The following CSMD3 variants were observed in gnomAD, a reference collection of about 807,000 sequenced individuals.
CSMD3 encodes the protein CUB and sushi domain-containing protein 3.
Under a neutral mutation model 435.2 loss-of-function variants are expected in CSMD3, and 177 were observed. The observed-to-expected ratio is 0.41, with a 90% confidence interval of 0.36 to 0.46. The LOEUF (loss-of-function observed/expected upper bound fraction) is 0.46, where lower values mean the gene tolerates loss of function less well. Among genes scored for constraint, CSMD3 ranks in the 20% least tolerant of loss-of-function variants. The pLI is 0.34. For synonymous variants in CSMD3, 1,656 were observed against 1,520.5 expected (o/e 1.09, Z -2.07); for missense variants, 4,265 against 4,504.6 (o/e 0.95, Z 1.52).
At chr8:112,427,966 G>C (rs1813255298) in intron 32 of CSMD3, among the ~76,000 whole-genome samples, 1 of 152,242 alleles carries the variant, frequency 6.6e-6, no homozygotes, top group South Asian at 2.1e-4. Flanking sequence ...ATATGATCAT[G>C]TCACTTCCCT....
At chr8:113,276,586 C>A (rs1432343234) in intron 3 of CSMD3, among the ~76,000 whole-genome samples, 2 of 152,030 alleles carry the variant, frequency 1.3e-5, no homozygotes, top group Non-Finnish European at 2.9e-5. Context: ...AGTAGATTTT[C>A]CCCAAAACCT....
chr8:112,349,919 CTG>C (rs1045125104), intron 40 of CSMD3, among the ~76,000 whole-genome samples: 1 of 152,042 alleles, frequency 6.6e-6, no homozygotes, highest in African/African-American at 2.4e-5. Flanking sequence ...CCTAATGTGA[CTG>C]TATTTGGAGA....
intron 1 of CSMD3, among the ~76,000 whole-genome samples, chr8:113,380,205 AG>A (rs750270553): frequency 6.6e-6 from 1 of 152,176 alleles, no homozygotes; most frequent in Non-Finnish European, 1.5e-5. Context: ...TATTTCCATT[AG>A]AGTTGTAATT....
At chr8:112,921,866 A>G (rs2082754671) in intron 9 of CSMD3, 115 bp from the exon 10 acceptor site, 2 of 786,888 alleles carry the variant, frequency 2.5e-6, no homozygotes, top group Admixed American at 2.1e-5. Context: ...GACAAAAAGT[A>G]TTTTGGAAAA....
chr8:113,169,108 A>G (rs926332360), intron 4 of CSMD3, among the ~76,000 whole-genome samples: 3 of 152,160 alleles, frequency 2.0e-5, no homozygotes, highest in Non-Finnish European at 4.4e-5. Flanking sequence ...ATTTTGATCC[A>G]GAAAATTGTT....
At position 113,166,125 on chromosome 8, in the gene CSMD3, A is replaced by C. The variant is rs117106778; in HGVS notation, c.709+7597T>G. Among the ~76,000 whole-genome samples the C allele has an allele frequency of 3.7e-4, 56 of 152,270 alleles. No homozygotes were observed. The East Asian group carries it at 8.7e-3, about 24-fold the overall frequency. ...ACTCCCATATTCAAATACAAAACTCAATAGATTGAGTTTCATGAGGCCTGT... is the reference window on the plus strand; with the variant it reads ...ACTCCCATATTCAAATACAAAACTCCATAGATTGAGTTTCATGAGGCCTGT... On this transcript the variant is annotated intron_variant, in intron 4 of 70. Transcript: ENST00000297405.
At chr8:112,410,652 G>GTATATATATGTA (rs1563913330) in intron 32 of CSMD3, among the ~76,000 whole-genome samples, 414 of 36,588 alleles carry the variant, frequency 0.011, 38 homozygotes, top group Middle Eastern at 0.04. Context: ...ATATATATGT[G>GTATATATATGTA]TATATATATG....
At chr8:112,752,812 A>G (rs113295656) in intron 13 of CSMD3, among the ~76,000 whole-genome samples, 7 of 152,126 alleles carry the variant, frequency 4.6e-5, no homozygotes, top group African/African-American at 1.7e-4. Flanking sequence ...CTCCAAAAGG[A>G]CTGAAAATGA....
chr8:112,573,693 C>T (rs2131302738), intron 23 of CSMD3, 36 bp from the exon 24 acceptor site: 8 of 1,447,954 alleles, frequency 5.5e-6, no homozygotes, highest in Non-Finnish European at 7.7e-6. Context: ...TGTAAATGTG[C>T]CAATAATAAT....
chr8:113,320,705 T>C (rs1203948644), intron 1 of CSMD3, among the ~76,000 whole-genome samples: 2 of 152,148 alleles, frequency 1.3e-5, no homozygotes, highest in Non-Finnish European at 2.9e-5. Flanking sequence ...TCTTTTCTTA[T>C]TGTTTCCATG....
At position 112,336,728 on chromosome 8, in the gene CSMD3, C is replaced by G. The variant is rs957094168; in HGVS notation, c.6943G>C (p.Val2315Leu). ...ATGTAGATGCCATTCCCAGGGGGTA[C>G]TCTTACAAGCCAAAAACAATCTTGA... The part of the protein sequence containing the change: ...NFQDCFWLVR[V>L]PPGNGIYINF... Residue 2315 changes from valine (V) to leucine (L), a missense_variant, in exon 44 of 71, where the codon GTA becomes CTA. Transcript: ENST00000297405. 2 of 1,612,998 alleles carry G rather than the reference C, an allele frequency of 1.2e-6. No homozygotes were observed. The highest frequency in any genetic ancestry group is 1.7e-6 in the Non-Finnish European group (2 of 1,179,238).
chr8:112,646,314 A>C (rs1279321486), intron 19 of CSMD3, among the ~76,000 whole-genome samples: 1 of 152,140 alleles, frequency 6.6e-6, no homozygotes, highest in Non-Finnish European at 1.5e-5. Flanking sequence ...AGAGATGCAA[A>C]CTTTCAGAAA....
At chr8:113,022,809 A>G (rs1489500919) in intron 5 of CSMD3, among the ~76,000 whole-genome samples, 2 of 151,902 alleles carry the variant, frequency 1.3e-5, no homozygotes, top group Non-Finnish European at 2.9e-5. Flanking sequence ...AATGACATCA[A>G]ATTTCATTGC....
intron 13 of CSMD3, among the ~76,000 whole-genome samples, chr8:112,724,500 C>G (rs2076924818): frequency 1.3e-5 from 2 of 151,916 alleles, no homozygotes; most frequent in South Asian, 4.1e-4. Flanking sequence ...TCTGTCTGAG[C>G]AAGGGGAATG....
At chr8:113,274,008 CAT>C (rs1430352397) in intron 3 of CSMD3, among the ~76,000 whole-genome samples, 3 of 151,850 alleles carry the variant, frequency 2.0e-5, no homozygotes, top group Non-Finnish European at 4.4e-5. Context: ...CAAAAGAAAT[CAT>C]AGAAAATGTA....
chr8:112,233,293 G>A (rs538588844), intron 68 of CSMD3, among the ~76,000 whole-genome samples: 1 of 152,222 alleles, frequency 6.6e-6, no homozygotes, highest in East Asian at 1.9e-4. Flanking sequence ...AACCACCCAT[G>A]CAAGTCTGAC....
At chr8:112,916,339 T>G (rs1379294091) in intron 10 of CSMD3, among the ~76,000 whole-genome samples, 1 of 151,836 alleles carries the variant, frequency 6.6e-6, no homozygotes. Flanking sequence ...TATAAATGCA[T>G]CACTATTAAT....
intron 5 of CSMD3, 57 bp downstream of exon 5, chr8:113,098,699 G>T: frequency 8.6e-7 from 1 of 1,160,418 alleles, no homozygotes; most frequent in Non-Finnish European, 1.3e-6. Flanking sequence ...GTTGTTCTTT[G>T]TTCCTTAGTT....
At chr8:113,261,334 A>T (rs2093425738) in intron 3 of CSMD3, among the ~76,000 whole-genome samples, 1 of 152,156 alleles carries the variant, frequency 6.6e-6, no homozygotes, top group South Asian at 2.1e-4. Context: ...ATTATCAATA[A>T]AGTTCTTATG....
Sources: allele counts gnomAD v4.1 joint callset (sites outside exome capture counted in the v4.1 genomes callset), GRCh38; gene constraint gnomAD v4.1.1; transcripts MANE v1.5; gene names NCBI Gene and HGNC (gene_info 2026-07-23, HGNC 2026-07-21).